ACAP2: variants seen among roughly 807,000 people sequenced by gnomAD.
ACAP2 encodes arf-GAP with coiled-coil, ANK repeat and PH domain-containing protein 2.
A neutral mutation model predicts 115.8 loss-of-function variants in ACAP2; 39 were observed. The ratio of observed to expected loss-of-function variants is 0.34; its 90% CI spans 0.26 to 0.44. The LOEUF (loss-of-function observed/expected upper bound fraction) is 0.44. Among genes scored for constraint, ACAP2 ranks in the 20% least tolerant of loss-of-function variants. The probability of loss-of-function intolerance (pLI) is 1.00; values close to 1 mark genes in which losing one functional copy is unlikely to be tolerated. For missense variants in ACAP2, 662 were observed against 927.6 expected (o/e 0.71, Z 3.72); for synonymous variants, 289 against 315.8 (o/e 0.92, Z 0.90).
intron 1 of ACAP2, among the ~76,000 whole-genome samples, chr3:195,423,538 G>A (rs980670852): frequency 1.3e-5 from 2 of 149,102 alleles, no homozygotes; most frequent in African/African-American, 2.5e-5. Context: ...CATGAAAATC[G>A]CTTGAACCTG....
intron 4 of ACAP2, among the ~76,000 whole-genome samples, chr3:195,372,382 C>A (rs115554732): frequency 6.6e-6 from 1 of 152,164 alleles, no homozygotes; most frequent in African/African-American, 2.4e-5. Flanking sequence ...TGAGTAACTG[C>A]GCTCAAGCTA....
chr3:195,367,404 G>A (rs1016265491), intron 4 of ACAP2, among the ~76,000 whole-genome samples: 4 of 152,106 alleles, frequency 2.6e-5, no homozygotes, highest in Non-Finnish European at 4.4e-5. Context: ...CACTTCAAAT[G>A]ACATAAATAA....
chr3:195,319,960 C>T (rs1431591086), intron 10 of ACAP2, among the ~76,000 whole-genome samples: 1 of 152,136 alleles, frequency 6.6e-6, no homozygotes, highest in Non-Finnish European at 1.5e-5. Context: ...AAAAAGGGAC[C>T]TGGTGGGAGG....
chr3:195,413,541 G>C (rs541727919), intron 1 of ACAP2, among the ~76,000 whole-genome samples: 110 of 152,160 alleles, frequency 7.2e-4, no homozygotes, highest in African/African-American at 2.4e-3. Context: ...TTGAGGTCAG[G>C]AGTTTGAGAC....
At chr3:195,293,101 ATGCCAGGCCTTTCTGTTCT>A (rs1370057003) in intron 18 of ACAP2, among the ~76,000 whole-genome samples, 1 of 152,186 alleles carries the variant, frequency 6.6e-6, no homozygotes, top group Non-Finnish European at 1.5e-5. Context: ...AATCACTGAT[ATGCCAGGCCTTTCTGTTCT>A]TGCCAGTATC....
intron 7 of ACAP2, among the ~76,000 whole-genome samples, chr3:195,333,937 A>G (rs745566054): frequency 4.6e-5 from 7 of 152,226 alleles, no homozygotes; most frequent in Non-Finnish European, 8.8e-5. Flanking sequence ...GAATTTGCCA[A>G]CATGGAAGTT....
At chr3:195,413,977 TAAAAAAAGAA>T (rs376966984) in intron 1 of ACAP2, among the ~76,000 whole-genome samples, 3,534 of 145,598 alleles carry the variant, frequency 0.024, 112 homozygotes, top group East Asian at 0.1. Context: ...CCTGTCTCTT[TAAAAAAAGAA>T]AAAAAAAGAA....
rs924527690 is a variant in ACAP2 at position 195,277,657 on chromosome 3, T to C, written c.*1671A>G. ...TGACTGGGAAATGTTAGAAAATTTA[T>C]CTATAATTGGATCATAAAGTTTTTA... On this transcript the variant is annotated 3_prime_UTR_variant, in exon 23 of 23. Coordinates refer to ENST00000326793, the MANE Select transcript of ACAP2 (RefSeq NM_012287.6). 6.6e-6 allele frequency: 1 copy of C among 152,232 alleles called. No individual in the cohort carries two copies. The highest frequency in any genetic ancestry group is 1.5e-5 in the Non-Finnish European group (1 of 68,046). The allele number at this position is 152,232 out of a possible 1,614,324, so 9.4% of individuals were successfully genotyped here. A position where few individuals can be genotyped will look rare whatever the true frequency, so the allele number is the denominator to read the frequency against.
intron 1 of ACAP2, among the ~76,000 whole-genome samples, chr3:195,392,363 G>A (rs191279825): frequency 1.2e-4 from 18 of 152,216 alleles, no homozygotes; most frequent in Admixed American, 1.0e-3. Context: ...AACACATTAC[G>A]CTAATTTATA....
At position 195,291,728 on chromosome 3, in the gene ACAP2, C is replaced by T; in HGVS notation, c.2041G>A (p.Ala681Thr). ...TACCCTGTGTGCCCTAAGACGGTGG[C>T]ATGGTGCAATGGTCCCCGCCCTTGG... is the stretch of plus-strand genomic sequence containing the variant. Reference protein sequence around the residue: ...DVQGRGPLHHATVLGHTGQVC... With the variant: ...DVQGRGPLHHTTVLGHTGQVC... Residue 681 changes from alanine (A) to threonine (T), a missense_variant, in exon 20 of 23, where the codon GCC becomes ACC. Physicochemically the swap from Ala to Thr is moderately conservative, Grantham distance 58 (BLOSUM62 0). Around this residue, in one of 3 missense-constraint regions of ACAP2, gnomAD observed 128 missense variants for 200.2 expected, o/e 0.64. Coordinates refer to ENST00000326793, the MANE Select transcript of ACAP2 (RefSeq NM_012287.6). The T allele has an allele frequency of 6.2e-7, 1 of 1,613,822 alleles. No individual in the cohort carries two copies. The highest frequency in any genetic ancestry group is 8.5e-7 in the Non-Finnish European group (1 of 1,179,892).
At chr3:195,384,877 A>G (rs1734189958) in intron 2 of ACAP2, among the ~76,000 whole-genome samples, 1 of 152,164 alleles carries the variant, frequency 6.6e-6, no homozygotes, top group Non-Finnish European at 1.5e-5. Context: ...AACAAATTAA[A>G]TTCAAAAATA....
chr3:195,321,354 C>T (rs1007971903), intron 9 of ACAP2, among the ~76,000 whole-genome samples: 6 of 150,582 alleles, frequency 4.0e-5, no homozygotes, highest in African/African-American at 9.8e-5. Flanking sequence ...TCCCATGTAG[C>T]TCGAATTACG....
At chr3:195,362,714 C>G (rs1159063171) in intron 4 of ACAP2, among the ~76,000 whole-genome samples, 1 of 152,118 alleles carries the variant, frequency 6.6e-6, no homozygotes, top group Admixed American at 6.5e-5. Context: ...AAGACAAAAA[C>G]CATATGATGA....
chr3:195,417,616 C>CA (rs1713844546), intron 1 of ACAP2, among the ~76,000 whole-genome samples: 1 of 152,272 alleles, frequency 6.6e-6, no homozygotes, highest in African/African-American at 2.4e-5. Context: ...CGACACACTG[C>CA]AAGTACCATG....
chr3:195,433,385 G>A (rs1715288854), intron 1 of ACAP2, among the ~76,000 whole-genome samples: 1 of 152,136 alleles, frequency 6.6e-6, no homozygotes, highest in Non-Finnish European at 1.5e-5. Context: ...GATTGTACAA[G>A]ACTTATTATC....
At chr3:195,292,857 G>A (rs991228532) in intron 18 of ACAP2, among the ~76,000 whole-genome samples, 8 of 141,438 alleles carry the variant, frequency 5.7e-5, no homozygotes, top group Non-Finnish European at 9.1e-5. Context: ...GGGAGGCAGA[G>A]GTTGCAGTGA....
At chr3:195,376,173 C>G (rs921442643) in intron 4 of ACAP2, among the ~76,000 whole-genome samples, 56 of 152,132 alleles carry the variant, frequency 3.7e-4, no homozygotes, top group African/African-American at 1.3e-3. Context: ...GTGGGCCGAT[C>G]ACTTGAGGTC....
chr3:195,432,779 T>C (rs533775084), intron 1 of ACAP2, among the ~76,000 whole-genome samples: 9 of 152,194 alleles, frequency 5.9e-5, no homozygotes, highest in Non-Finnish European at 1.2e-4. Flanking sequence ...TTGGGGAATA[T>C]TGCCATCTTA....
intron 1 of ACAP2, among the ~76,000 whole-genome samples, chr3:195,403,194 C>T (rs75678631): frequency 0.021 from 3,252 of 152,258 alleles, 114 homozygotes; most frequent in East Asian, 0.1. Flanking sequence ...GCCACCAATG[C>T]AACATTCCTG....
Sources: gnomAD v4.1 joint callset for allele counts (sites outside exome capture counted in the v4.1 genomes callset) on GRCh38, gnomAD v4.1.1 for gene constraint, gnomAD v4.1.1 regional missense constraint, MANE v1.5 for transcripts, NCBI Gene and HGNC (gene_info 2026-07-23, HGNC 2026-07-21) for gene names.